The following GRID1 variants were observed in gnomAD, a reference collection of about 807,000 sequenced individuals.
GRID1 encodes the protein glutamate receptor ionotropic, delta-1.
In GRID1, 28 loss-of-function variants were observed where a neutral mutation model predicts 98.0. That is an observed-to-expected ratio of 0.29 (90% CI 0.21 to 0.39). The LOEUF (loss-of-function observed/expected upper bound fraction) is 0.39. Among genes scored for constraint, GRID1 ranks in the 10% least tolerant of loss-of-function variants. GRID1 has a pLI of 1.00. For missense variants in GRID1, 1,111 were observed against 1,340.5 expected (o/e 0.83, Z 2.67); for synonymous variants, 553 against 538.5 (o/e 1.03, Z -0.37).
At chr10:85,666,275 C>T (rs561205784) in intron 12 of GRID1, among the ~76,000 whole-genome samples, 2 of 152,314 alleles carry the variant, frequency 1.3e-5, no homozygotes, top group South Asian at 4.1e-4. Flanking sequence ...TTGACTAAAA[C>T]CACACCCCTA....
chr10:85,820,725 ACCATTTATAATGGCTAAAAAT>A (rs1391199350), intron 8 of GRID1, among the ~76,000 whole-genome samples: 9 of 152,232 alleles, frequency 5.9e-5, no homozygotes, highest in Non-Finnish European at 1.0e-4. Flanking sequence ...ATACCATTAT[ACCATTTATAATGGCTAAAAAT>A]TTTTAAACTT....
chr10:85,720,892 T>C (rs10749529), intron 12 of GRID1, among the ~76,000 whole-genome samples: 97,003 of 151,964 alleles, frequency 0.64, 32,125 homozygotes, highest in African/African-American at 0.81. Context: ...AACCTTTTCA[T>C]GGTGAAAAGA....
At chr10:85,909,380 C>A (rs571619369) in intron 5 of GRID1, among the ~76,000 whole-genome samples, 119 of 152,272 alleles carry the variant, frequency 7.8e-4, no homozygotes, top group African/African-American at 2.8e-3. Flanking sequence ...TAGGGGTTGG[C>A]AATTCCACTT....
chr10:86,240,132 T>G (rs1324755030), intron 2 of GRID1, among the ~76,000 whole-genome samples: 2 of 152,146 alleles, frequency 1.3e-5, no homozygotes, highest in African/African-American at 4.8e-5. Flanking sequence ...AAATATCTGT[T>G]TTTGAAGCCC....
At chr10:85,772,459 A>G (rs1564585986) in intron 8 of GRID1, among the ~76,000 whole-genome samples, 2 of 151,312 alleles carry the variant, frequency 1.3e-5, no homozygotes, top group Non-Finnish European at 2.9e-5. Flanking sequence ...AGAAGGCAAG[A>G]AATAACTAAA....
At chr10:85,826,704 C>G (rs1475390447) in intron 8 of GRID1, among the ~76,000 whole-genome samples, 1 of 152,156 alleles carries the variant, frequency 6.6e-6, no homozygotes, top group African/African-American at 2.4e-5. Flanking sequence ...TTAAATGAAG[C>G]ACTCTGGCCA....
chr10:85,864,862 C>T (rs903745637), intron 6 of GRID1, among the ~76,000 whole-genome samples: 2 of 152,086 alleles, frequency 1.3e-5, no homozygotes, highest in Non-Finnish European at 2.9e-5. Context: ...GCCCCCAAAG[C>T]TTAATTCAGG....
At chr10:85,714,391 CCCGAA>C (rs1265735343) in intron 12 of GRID1, among the ~76,000 whole-genome samples, 2 of 151,546 alleles carry the variant, frequency 1.3e-5, no homozygotes, top group Non-Finnish European at 2.9e-5. Context: ...GTACATGTAC[CCCGAA>C]CCTAAAAGTT....
intron 2 of GRID1, among the ~76,000 whole-genome samples, chr10:86,331,679 C>T (rs1055053638): frequency 1.6e-4 from 24 of 152,196 alleles, no homozygotes; most frequent in African/African-American, 5.3e-4. Context: ...GCCTGGGTCC[C>T]CAGCTCAGCA....
At chr10:85,814,882 G>C (rs1842702673) in intron 8 of GRID1, among the ~76,000 whole-genome samples, 1 of 151,970 alleles carries the variant, frequency 6.6e-6, no homozygotes, top group South Asian at 2.1e-4. Context: ...CAGAAGAGGA[G>C]AGAATATTTA....
chr10:85,741,253 C>T (rs1231141667), intron 8 of GRID1, among the ~76,000 whole-genome samples: 1 of 152,160 alleles, frequency 6.6e-6, no homozygotes, highest in Non-Finnish European at 1.5e-5. Context: ...TCACTCAGTG[C>T]TGATTTACTT....
chr10:86,042,960 C>G (rs751682741), intron 4 of GRID1, among the ~76,000 whole-genome samples: 134 of 152,046 alleles, frequency 8.8e-4, no homozygotes, highest in Non-Finnish European at 1.2e-3. Flanking sequence ...TGGTGTGTGC[C>G]TGTATTCCCA....
intron 3 of GRID1, among the ~76,000 whole-genome samples, chr10:86,204,687 C>A (rs1394057918): frequency 6.6e-6 from 1 of 152,214 alleles, no homozygotes; most frequent in Non-Finnish European, 1.5e-5. Flanking sequence ...CTGAGGCTCC[C>A]ATCAAGGTCG....
At chr10:85,883,154 T>G (rs1333922165) in intron 5 of GRID1, among the ~76,000 whole-genome samples, 4 of 152,178 alleles carry the variant, frequency 2.6e-5, no homozygotes, top group Non-Finnish European at 1.5e-5. Flanking sequence ...CTAAACAATT[T>G]CTTCATATTT....
At chr10:86,172,717 C>T (rs1845512297) in intron 3 of GRID1, among the ~76,000 whole-genome samples, 1 of 152,120 alleles carries the variant, frequency 6.6e-6, no homozygotes, top group African/African-American at 2.4e-5. Flanking sequence ...GCCATCTGCT[C>T]CTCTCTCTAG....
chr10:86,354,680 C>T (rs1227556052), intron 2 of GRID1, among the ~76,000 whole-genome samples: 1 of 152,244 alleles, frequency 6.6e-6, no homozygotes, highest in Non-Finnish European at 1.5e-5. Flanking sequence ...GACCCCTTTC[C>T]ACCAAATAGA....
chr10:86,332,476 C>A (rs1848159167), intron 2 of GRID1, among the ~76,000 whole-genome samples: 1 of 152,056 alleles, frequency 6.6e-6, no homozygotes, highest in Non-Finnish European at 1.5e-5. Flanking sequence ...GGCCTCTCAC[C>A]CCTTGGCTTG....
intron 8 of GRID1, among the ~76,000 whole-genome samples, chr10:85,849,518 CA>C (rs973423539): frequency 6.6e-6 from 1 of 152,162 alleles, no homozygotes; most frequent in Non-Finnish European, 1.5e-5. Context: ...TTCAATTCAG[CA>C]GGCTCCCAGC....
chr10:85,857,352 AG>A (rs1309312894), intron 6 of GRID1, among the ~76,000 whole-genome samples: 1 of 152,272 alleles, frequency 6.6e-6, no homozygotes, highest in East Asian at 1.9e-4. Flanking sequence ...TGTGGGGTCC[AG>A]GGTGGGCAGG....
Sources: allele counts gnomAD v4.1 joint callset (sites outside exome capture counted in the v4.1 genomes callset), GRCh38; gene constraint gnomAD v4.1.1; transcripts MANE v1.5; gene names NCBI Gene and HGNC (gene_info 2026-07-23, HGNC 2026-07-21).